Variants in CTNNA2 observed in about 807,000 individuals in gnomAD.
CTNNA2 encodes the protein catenin alpha-2.
CTNNA2 carries 42 observed loss-of-function variants against 101.0 expected under a neutral mutation model. The observed-to-expected ratio is 0.42, with a 90% CI of 0.32 to 0.54. CTNNA2 has a LOEUF of 0.54. Ranked by LOEUF, CTNNA2 falls within the 20% of genes least tolerant of loss-of-function variation. The pLI, the probability that CTNNA2 is intolerant of heterozygous loss-of-function variation, is 0.14. For synonymous variants in CTNNA2, 450 were observed against 456.4 expected, an observed-to-expected ratio of 0.99 and a Z score of 0.18; for missense variants, 871 against 1,223.1, an observed-to-expected ratio of 0.71 and a Z score of 4.29.
At chr2:80,028,672 GC>G (rs1695094494) in intron 7 of CTNNA2, among the ~76,000 whole-genome samples, 2 of 152,292 alleles carry the variant, frequency 1.3e-5, no homozygotes, top group Non-Finnish European at 2.9e-5. Context: ...AGAAGACTAT[GC>G]TGCATTATTG....
At chr2:79,454,325 A>G (rs1041403219) in intron 4 of CTNNA2, among the ~76,000 whole-genome samples, 1 of 152,134 alleles carries the variant, frequency 6.6e-6, no homozygotes, top group African/African-American at 2.4e-5. Context: ...TTATTTGTCA[A>G]TTGTATTACA....
intron 7 of CTNNA2, among the ~76,000 whole-genome samples, chr2:80,373,973 A>G (rs566866862): frequency 1.7e-4 from 26 of 152,158 alleles, no homozygotes; most frequent in African/African-American, 5.8e-4. Context: ...TCAAACCTCA[A>G]CAAACCATTA....
intron 3 of CTNNA2, among the ~76,000 whole-genome samples, chr2:79,351,973 C>T (rs1677398527): frequency 6.6e-6 from 1 of 152,114 alleles, no homozygotes. Context: ...GGTAGTTCAA[C>T]TCTCAGTTCT....
At chr2:80,246,114 G>A (rs977574628) in intron 7 of CTNNA2, among the ~76,000 whole-genome samples, 2 of 152,030 alleles carry the variant, frequency 1.3e-5, no homozygotes, top group Admixed American at 6.6e-5. Flanking sequence ...CTTTTTACCT[G>A]TTTATATCTT....
chr2:80,584,556 C>T (rs906901155), intron 14 of CTNNA2, among the ~76,000 whole-genome samples: 5 of 151,902 alleles, frequency 3.3e-5, no homozygotes, highest in African/African-American at 1.2e-4. Flanking sequence ...TGTTTCTCCA[C>T]AGTCTGGCAT....
intron 1 of CTNNA2, among the ~76,000 whole-genome samples, chr2:79,601,410 T>C (rs1677543987): frequency 6.6e-6 from 1 of 152,326 alleles, no homozygotes; most frequent in East Asian, 1.9e-4. Context: ...TGCAAGGTTG[T>C]CCTGATTCGA....
At chr2:80,589,209 A>C in intron 14 of CTNNA2, 95 bp from the exon 15 acceptor site, 1 of 1,260,250 alleles carries the variant, frequency 7.9e-7, no homozygotes, top group African/African-American at 1.5e-5. Flanking sequence ...AAGCCTTTGC[A>C]GGGTCTGGCT....
intron 4 of CTNNA2, among the ~76,000 whole-genome samples, chr2:79,398,725 C>A (rs963106943): frequency 6.6e-6 from 1 of 151,546 alleles, no homozygotes; most frequent in African/African-American, 2.4e-5. Context: ...GAAAACCTAC[C>A]CTTCCATAAC....
chr2:80,494,236 A>T (rs1194823453), intron 9 of CTNNA2, among the ~76,000 whole-genome samples: 1 of 152,204 alleles, frequency 6.6e-6, no homozygotes, highest in East Asian at 1.9e-4. Flanking sequence ...ATAAACAATA[A>T]TTTTTACAGA....
intron 7 of CTNNA2, among the ~76,000 whole-genome samples, chr2:80,235,403 A>T (rs2149082327): frequency 6.6e-6 from 1 of 152,252 alleles, no homozygotes; most frequent in South Asian, 2.1e-4. Flanking sequence ...ACTATCAATC[A>T]CTGCAAACAC....
intron 2 of CTNNA2, among the ~76,000 whole-genome samples, chr2:79,309,828 T>G (rs975485338): frequency 1.2e-4 from 19 of 152,182 alleles, no homozygotes; most frequent in Non-Finnish European, 2.1e-4. Context: ...AATGGCCCAC[T>G]ATAATTTTTA....
intron 7 of CTNNA2, among the ~76,000 whole-genome samples, chr2:80,243,721 G>A (rs1281951061): frequency 6.6e-6 from 1 of 152,202 alleles, no homozygotes; most frequent in Non-Finnish European, 1.5e-5. Context: ...AAAGTTGCTA[G>A]GGGCATTTGT....
intron 7 of CTNNA2, among the ~76,000 whole-genome samples, chr2:79,924,733 GAT>G (rs1686909328): frequency 6.6e-6 from 1 of 152,068 alleles, no homozygotes; most frequent in African/African-American, 2.4e-5. Context: ...GTAGAGGTGA[GAT>G]AAAATGTGTT....
At position 79,202,811 on chromosome 2, in the gene CTNNA2, G is replaced by A. The variant is rs542580736; in HGVS notation, c.-406+4735G>A. On this transcript the variant is annotated intron_variant, in intron 2 of 21. Transcript: ENST00000466387. ...ACAAGCCCAGCCATTGTTCTCACAT[G>A]GCTCTAGCCATGAAAGATAGCATCT... Among the ~76,000 whole-genome samples, 83 of 152,182 alleles carry A rather than the reference G, an allele frequency of 5.5e-4. 1 individual carries two copies. In the South Asian group the frequency reaches 0.017, roughly 31 times the overall value.
chr2:79,329,957 G>A (rs1314255118), intron 3 of CTNNA2, among the ~76,000 whole-genome samples: 1 of 152,086 alleles, frequency 6.6e-6, no homozygotes, highest in African/African-American at 2.4e-5. Flanking sequence ...TGCCTCCAAG[G>A]CCCAAAAACA....
At chr2:80,128,503 G>A (rs1320459592) in intron 7 of CTNNA2, among the ~76,000 whole-genome samples, 1 of 152,080 alleles carries the variant, frequency 6.6e-6, no homozygotes, top group Non-Finnish European at 1.5e-5. Flanking sequence ...ACGCATGGGT[G>A]TTTTCAAAGC....
chr2:79,421,216 A>G lies in CTNNA2; in HGVS notation c.-135+47203A>G, dbSNP rs17017062. Among the ~76,000 whole-genome samples, 2,370 of 152,254 alleles carry G rather than the reference A, an allele frequency of 0.016. 122 individuals are homozygous for G. The East Asian group carries it at 0.17, about 11-fold the overall frequency. ...CTTAGCAAATATAAAGTGTTCCTAG[A>G]TGCAGTGTCATAAAACAAAGAATGA... On this transcript the variant is annotated intron_variant, in intron 4 of 21. Coordinates refer to the CTNNA2 transcript ENST00000466387.
At chr2:79,853,532 G>A (rs570892555) in intron 3 of CTNNA2, among the ~76,000 whole-genome samples, 3 of 152,118 alleles carry the variant, frequency 2.0e-5, no homozygotes, top group African/African-American at 4.8e-5. Context: ...GACCTTACAC[G>A]CAGGCCCCTC....
intron 7 of CTNNA2, among the ~76,000 whole-genome samples, chr2:80,255,091 G>C (rs1672041548): frequency 6.6e-6 from 1 of 152,120 alleles, no homozygotes; most frequent in Non-Finnish European, 1.5e-5. Context: ...TCTTCCACAT[G>C]TTACCCACCA....
Sources: gnomAD v4.1 joint callset for allele counts (sites outside exome capture counted in the v4.1 genomes callset) on GRCh38, gnomAD v4.1.1 for gene constraint, MANE v1.5 for transcripts, NCBI Gene and HGNC (gene_info 2026-07-23, HGNC 2026-07-21) for gene names.